Variants in CACNB4 observed in about 807,000 individuals in gnomAD.
CACNB4 encodes voltage-dependent L-type calcium channel subunit beta-4.
CACNB4 carries 32 observed loss-of-function variants against 71.2 expected under a neutral mutation model. That is an observed-to-expected ratio of 0.45 (90% CI 0.34 to 0.60). The LOEUF (loss-of-function observed/expected upper bound fraction) is 0.60. Among genes scored for constraint, CACNB4 ranks in the 20% least tolerant of loss-of-function variants. The probability of loss-of-function intolerance (pLI) is 0.01; values close to 1 mark genes in which losing one functional copy is unlikely to be tolerated. For synonymous variants in CACNB4, 231 were observed against 236.9 expected (o/e 0.97, Z 0.23); for missense variants, 464 against 647.9 (o/e 0.72, Z 3.08).
upstream of CACNB4, chr2:152,099,066 CCCGAGGCTGGGCT>C: frequency 7.8e-7 from 1 of 1,285,838 alleles, no homozygotes; most frequent in South Asian, 1.4e-5. Flanking sequence ...GGGGCTGGCC[CCCGAGGCTGGGCT>C]GCGGACGGAG....
intron 2 of CACNB4, among the ~76,000 whole-genome samples, chr2:151,978,497 G>A (rs550922914): frequency 6.6e-6 from 1 of 152,264 alleles, no homozygotes; most frequent in South Asian, 2.1e-4. Flanking sequence ...TCCCAGCTGT[G>A]CCACTTCCCA....
chr2:151,871,208 G>T, intron 6 of CACNB4: 1 of 245,200 alleles, frequency 4.1e-6, no homozygotes, highest in African/African-American at 2.2e-5. Context: ...CTGGGAACAA[G>T]GTAGACAAAT....
chr2:151,973,827 C>T, intron 2 of CACNB4: 21 of 1,511,308 alleles, frequency 1.4e-5, no homozygotes, highest in Admixed American at 2.1e-5. Context: ...CCTGCCTTAT[C>T]AATTCCTGTG....
At chr2:151,968,778 C>T (rs770740643) in intron 2 of CACNB4, 1 of 152,080 alleles carries the variant, frequency 6.6e-6, no homozygotes, top group Non-Finnish European at 1.5e-5. Flanking sequence ...CCTGGATTGA[C>T]TCATCATAAT....
chr2:151,888,295 C>A (rs966438089), intron 2 of CACNB4, among the ~76,000 whole-genome samples: 2 of 152,148 alleles, frequency 1.3e-5, no homozygotes, highest in Admixed American at 6.6e-5. Context: ...GGCATGGTAG[C>A]TCATGCCTGA....
At chr2:151,892,681 T>G (rs1333214803) in intron 2 of CACNB4, among the ~76,000 whole-genome samples, 1 of 152,228 alleles carries the variant, frequency 6.6e-6, no homozygotes. Flanking sequence ...GCATCTACAC[T>G]TCATTTCAGG....
intron 2 of CACNB4, among the ~76,000 whole-genome samples, chr2:152,058,723 A>T (rs1470492717): frequency 6.6e-6 from 1 of 152,266 alleles, no homozygotes; most frequent in Non-Finnish European, 1.5e-5. Context: ...AGCTGGATGC[A>T]GAAATTGGCA....
chr2:151,957,257 C>CGTGTATGTGTGTGTGTGT (rs3068823), intron 2 of CACNB4, among the ~76,000 whole-genome samples: 4,643 of 131,812 alleles, frequency 0.035, 253 homozygotes, highest in Non-Finnish European at 0.049. Flanking sequence ...AGTGGCTGGG[C>CGTGTATGTGTGTGTGTGT]GTGTGTGTGT....
At chr2:152,090,941 G>A (rs1427287998) in intron 2 of CACNB4, among the ~76,000 whole-genome samples, 1 of 151,788 alleles carries the variant, frequency 6.6e-6, no homozygotes, top group African/African-American at 2.4e-5. Context: ...ATACTCGGGA[G>A]GCTGACGCAG....
chr2:152,098,752 G>T lies in CACNB4; in HGVS notation c.63+197C>A. Reference sequence around the variant, plus strand: ...CAGAGACCCGAAGGAGGGTGAGGAGGAGGAGGAAGAGAAGGAGGAGAAAGA... The same window carrying T: ...CAGAGACCCGAAGGAGGGTGAGGAGTAGGAGGAAGAGAAGGAGGAGAAAGA... On this transcript the variant is annotated intron_variant, in intron 1 of 13. Coordinates refer to ENST00000539935, the MANE Select transcript of CACNB4 (RefSeq NM_000726.5). This position sits in a 1 kb window ranked among gnomAD's most constrained non-coding sequence, Gnocchi z 5.3. 6.8e-7 allele frequency: 1 copy of T among 1,476,512 alleles called. No individual in the cohort carries two copies. Among genetic ancestry groups the T allele is most frequent in the East Asian group, 2.5e-5 (1 of 40,342 alleles). The allele number at this position is 1,476,512 out of a possible 1,614,324, so 91.5% of individuals were successfully genotyped here. A position where few individuals can be genotyped will look rare whatever the true frequency, so the allele number is the denominator to read the frequency against.
At chr2:152,029,507 A>AAAG (rs1553815871) in intron 2 of CACNB4, among the ~76,000 whole-genome samples, 2 of 104,760 alleles carry the variant, frequency 1.9e-5, no homozygotes, top group Middle Eastern at 4.6e-3. Context: ...AAAAAAAAAA[A>AAAG]AAAAGAAAAG....
chr2:152,098,003 A>G lies in CACNB4; in HGVS notation c.147+327T>C, dbSNP rs921259135. On this transcript the variant is annotated intron_variant, in intron 2 of 13. Transcript: ENST00000539935. This position sits in a 1 kb window ranked among gnomAD's most constrained non-coding sequence, Gnocchi z 5.3. The stretch of plus-strand genomic sequence containing the variant: ...CTAGGTCGAGTTATACGAATTAAAG[A>G]CATTTCTCCACGCACCAAAGATACA... Among the ~76,000 whole-genome samples the G allele has an allele frequency of 1.3e-5, 2 of 152,246 alleles. No homozygotes were observed. Among genetic ancestry groups the G allele is most frequent in the Admixed American group, 6.5e-5 (1 of 15,292 alleles).
At chr2:152,094,772 A>C (rs546674243) in intron 2 of CACNB4, among the ~76,000 whole-genome samples, 66 of 152,218 alleles carry the variant, frequency 4.3e-4, no homozygotes, top group Non-Finnish European at 7.5e-4. Flanking sequence ...GGCACATAGC[A>C]AATACTTAAG....
intron 2 of CACNB4, among the ~76,000 whole-genome samples, chr2:152,036,427 G>A (rs879552715): frequency 4.6e-5 from 7 of 152,140 alleles, no homozygotes; most frequent in Admixed American, 1.3e-4. Context: ...CGCCTCCCAA[G>A]TAGCTGGGAT....
At chr2:151,839,517 A>G in intron 13 of CACNB4, 138 bp from the exon 14 acceptor site, 1 of 672,792 alleles carries the variant, frequency 1.5e-6, no homozygotes, top group Non-Finnish European at 2.6e-6. Flanking sequence ...TGCACCAATG[A>G]TCTGCTTAGA....
chr2:151,965,033 C>A (rs2099870705), intron 2 of CACNB4, among the ~76,000 whole-genome samples: 1 of 152,142 alleles, frequency 6.6e-6, no homozygotes, highest in Non-Finnish European at 1.5e-5. Flanking sequence ...AAAATTTGAT[C>A]AACAGGTTCT....
intron 2 of CACNB4, among the ~76,000 whole-genome samples, chr2:151,963,084 G>A (rs769139127): frequency 2.0e-5 from 3 of 151,904 alleles, no homozygotes; most frequent in Non-Finnish European, 1.5e-5. Flanking sequence ...AGGCCAATGC[G>A]GGCAGATCAC....
intron 2 of CACNB4, among the ~76,000 whole-genome samples, chr2:151,913,771 A>AAG (rs775279471): frequency 0.018 from 2,732 of 151,354 alleles, 43 homozygotes; most frequent in South Asian, 0.028. Context: ...ATCTCAAAAA[A>AAG]AAAAAAAAAA....
intron 2 of CACNB4, among the ~76,000 whole-genome samples, chr2:151,991,980 C>T (rs1279086952): frequency 6.6e-6 from 1 of 152,198 alleles, no homozygotes; most frequent in African/African-American, 2.4e-5. Context: ...GTAACTGGGA[C>T]TCAGTCCCAC....
Sources: allele counts gnomAD v4.1 joint callset (sites outside exome capture counted in the v4.1 genomes callset), GRCh38; gene constraint gnomAD v4.1.1; non-coding constraint Gnocchi (gnomAD v3.1); transcripts MANE v1.5; gene names NCBI Gene and HGNC (gene_info 2026-07-23, HGNC 2026-07-21).